The following RELN variants were observed in gnomAD, a reference collection of about 807,000 sequenced individuals.
The protein encoded by RELN is reelin.
In RELN, 108 loss-of-function variants were observed where a neutral mutation model predicts 427.6. The ratio of observed to expected loss-of-function variants is 0.25; its 90% confidence interval spans 0.22 to 0.30. RELN has a LOEUF of 0.30. Among genes scored for constraint, RELN ranks in the 10% least tolerant of loss-of-function variants. RELN has a pLI of 1.00. For missense variants in RELN, 3,715 were observed against 4,302.8 expected (o/e 0.86, Z 3.82); for synonymous variants, 1,524 against 1,513.4 (o/e 1.01, Z -0.16).
chr7:103,627,741 G>A (rs547466713), intron 20 of RELN, among the ~76,000 whole-genome samples: 1 of 152,290 alleles, frequency 6.6e-6, no homozygotes, highest in South Asian at 2.1e-4. Flanking sequence ...CATGGGGATT[G>A]TACAATTATT....
At chr7:103,532,476 A>C (rs994207238) in intron 46 of RELN, among the ~76,000 whole-genome samples, 3 of 152,160 alleles carry the variant, frequency 2.0e-5, no homozygotes, top group Non-Finnish European at 2.9e-5. Flanking sequence ...AAAAAAAAGA[A>C]GAAGCTTTTC....
intron 3 of RELN, among the ~76,000 whole-genome samples, chr7:103,816,007 A>G (rs1426032094): frequency 6.6e-6 from 1 of 152,218 alleles, no homozygotes; most frequent in African/African-American, 2.4e-5. Flanking sequence ...TAGAAAAAAA[A>G]GGCACTTCTG....
intron 2 of RELN, among the ~76,000 whole-genome samples, chr7:103,857,663 A>G (rs184930118): frequency 6.6e-6 from 1 of 152,306 alleles, no homozygotes; most frequent in Non-Finnish European, 1.5e-5. Context: ...GGTGGGAGCT[A>G]TGGAGCTCAC....
chr7:103,904,008 C>CG (rs1795139720), intron 2 of RELN, among the ~76,000 whole-genome samples: 3 of 152,056 alleles, frequency 2.0e-5, no homozygotes, highest in African/African-American at 7.2e-5. Context: ...TACCTTCACT[C>CG]CCCACCCCCG....
chr7:103,847,989 C>T (rs1413646639), intron 2 of RELN, among the ~76,000 whole-genome samples: 1 of 152,190 alleles, frequency 6.6e-6, no homozygotes, highest in Non-Finnish European at 1.5e-5. Flanking sequence ...TTTGATAAAA[C>T]ATTTCTACCT....
chr7:103,886,295 G>A (rs1794725015), intron 2 of RELN, among the ~76,000 whole-genome samples: 1 of 152,106 alleles, frequency 6.6e-6, no homozygotes, highest in African/African-American at 2.4e-5. Flanking sequence ...ATATCAAAAG[G>A]AAATGGACAA....
intron 35 of RELN, 37 bp downstream of exon 35, chr7:103,561,776 G>C: frequency 1.9e-6 from 3 of 1,613,740 alleles, no homozygotes; most frequent in Non-Finnish European, 1.7e-6. Context: ...TTATTTTTGC[G>C]TTACAAAGAA....
chr7:103,571,817 T>A (rs1380190223), intron 31 of RELN, among the ~76,000 whole-genome samples: 1 of 152,208 alleles, frequency 6.6e-6, no homozygotes, highest in African/African-American at 2.4e-5. Flanking sequence ...TGATCTGCAT[T>A]CAGTAATGCC....
At chr7:103,848,194 G>C (rs149170591) in intron 2 of RELN, among the ~76,000 whole-genome samples, 4 of 152,242 alleles carry the variant, frequency 2.6e-5, no homozygotes, top group Middle Eastern at 3.4e-3. Flanking sequence ...CATGCTCAGC[G>C]TGGGTGATCT....
intron 6 of RELN, among the ~76,000 whole-genome samples, chr7:103,747,338 C>A (rs1790865700): frequency 6.6e-6 from 1 of 151,830 alleles, no homozygotes; most frequent in Admixed American, 6.6e-5. Flanking sequence ...GGGTGCAGCA[C>A]ACTAATATGG....
chr7:103,699,360 G>T (rs1237190135), intron 9 of RELN, among the ~76,000 whole-genome samples: 1 of 152,096 alleles, frequency 6.6e-6, no homozygotes, highest in Non-Finnish European at 1.5e-5. Flanking sequence ...AATATTTCAT[G>T]ATGACTATGC....
intron 1 of RELN, among the ~76,000 whole-genome samples, chr7:103,936,282 G>A (rs1795982679): frequency 6.6e-6 from 1 of 151,968 alleles, no homozygotes; most frequent in South Asian, 2.1e-4. Context: ...TAGTAGAGAT[G>A]GCGTTTCAAC....
chr7:103,817,814 G>A (rs1046291587), intron 3 of RELN, among the ~76,000 whole-genome samples: 3 of 151,506 alleles, frequency 2.0e-5, no homozygotes, highest in South Asian at 2.1e-4. Flanking sequence ...GCGTGGTGGT[G>A]CGTGCCTGTA....
chr7:103,891,862 C>A (rs755595466), intron 2 of RELN, among the ~76,000 whole-genome samples: 1 of 152,138 alleles, frequency 6.6e-6, no homozygotes, highest in Non-Finnish European at 1.5e-5. Context: ...CAGTTCATAT[C>A]CAATGCACTC....
At chr7:103,814,213 C>T (rs903286157) in intron 3 of RELN, among the ~76,000 whole-genome samples, 3 of 152,126 alleles carry the variant, frequency 2.0e-5, no homozygotes, top group African/African-American at 7.2e-5. Flanking sequence ...CTGCTTATTT[C>T]ATAAGACTGT....
intron 47 of RELN, among the ~76,000 whole-genome samples, chr7:103,522,853 C>CAGACACACACACAGACACACACACACACA: frequency 4.5e-5 from 1 of 22,148 alleles, no homozygotes; most frequent in East Asian, 7.9e-4. Flanking sequence ...ACACACACAC[C>CAGACACACACACAGACACACACACACACA]CCCACACCTT....
At chr7:103,633,929 T>A (rs1000522028) in intron 19 of RELN, among the ~76,000 whole-genome samples, 3 of 152,086 alleles carry the variant, frequency 2.0e-5, no homozygotes, top group African/African-American at 4.8e-5. Context: ...GAAAGTTGAG[T>A]TTAGCACTAG....
At chr7:103,647,536 G>GAAA (rs34084589) in intron 16 of RELN, among the ~76,000 whole-genome samples, 9 of 144,156 alleles carry the variant, frequency 6.2e-5, no homozygotes, top group African/African-American at 7.7e-5. Context: ...AAACACTGAT[G>GAAA]AAAAAAAAAA....
chr7:103,874,221 C>T (rs1794421537), intron 2 of RELN, among the ~76,000 whole-genome samples: 5 of 116,464 alleles, frequency 4.3e-5, no homozygotes, highest in Non-Finnish European at 9.3e-5. Context: ...ATAATAAGAG[C>T]TATCTATGAC....
Sources: allele counts gnomAD v4.1 joint callset (sites outside exome capture counted in the v4.1 genomes callset), GRCh38; gene constraint gnomAD v4.1.1; transcripts MANE v1.5; gene names NCBI Gene and HGNC (gene_info 2026-07-23, HGNC 2026-07-21).